KHDRBS2: variants seen among roughly 807,000 people sequenced by gnomAD.
KHDRBS2 encodes KH RNA binding domain containing, signal transduction associated 2.
Under a neutral mutation model 44.3 loss-of-function variants are expected in KHDRBS2, and 26 were observed. That is an observed-to-expected ratio of 0.59 (90% CI 0.43 to 0.81). The LOEUF is 0.81. KHDRBS2 is among the 40% of genes least tolerant of loss of function. The probability of loss-of-function intolerance (pLI) is 0.00; values close to 1 mark genes in which losing one functional copy is unlikely to be tolerated. For synonymous variants in KHDRBS2, 194 were observed against 151.1 expected, an observed-to-expected ratio of 1.28 and a Z score of -2.08; for missense variants, 476 against 433.1, an observed-to-expected ratio of 1.10 and a Z score of -0.88.
At chr6:61,561,520 T>C in the KHDRBS2 span, among the ~76,000 whole-genome samples, 1 of 152,158 alleles carries the variant, frequency 6.6e-6, no homozygotes, top group African/African-American at 2.4e-5. Flanking sequence ...ACCTACTTGG[T>C]GTTCTATTCT....
intron 3 of KHDRBS2, among the ~76,000 whole-genome samples, chr6:62,008,824 C>G (rs185585819): frequency 6.6e-6 from 1 of 152,172 alleles, no homozygotes; most frequent in Non-Finnish European, 1.5e-5. Context: ...ACTTGCTCCT[C>G]CTTGCCTTCC....
chr6:61,642,048 C>T, the KHDRBS2 span, among the ~76,000 whole-genome samples: 3 of 152,080 alleles, frequency 2.0e-5, no homozygotes, highest in Admixed American at 2.0e-4. Context: ...TCTAATTATA[C>T]TATTAACATG....
chr6:61,549,595 C>T, the KHDRBS2 span, among the ~76,000 whole-genome samples: 2 of 152,138 alleles, frequency 1.3e-5, no homozygotes, highest in South Asian at 4.1e-4. Context: ...CCTTCTATTG[C>T]TATATGTTTT....
At chr6:62,170,581 A>T (rs1008954683) in intron 2 of KHDRBS2, among the ~76,000 whole-genome samples, 3 of 152,100 alleles carry the variant, frequency 2.0e-5, no homozygotes, top group African/African-American at 7.2e-5. Context: ...CAGGACTGAA[A>T]TATTTTGCCA....
the KHDRBS2 span, among the ~76,000 whole-genome samples, chr6:61,567,531 C>A: frequency 6.6e-6 from 1 of 152,156 alleles, no homozygotes; most frequent in African/African-American, 2.4e-5. Flanking sequence ...GTCTTAGCTA[C>A]TCTGGAGGCT....
chr6:61,591,266 T>C, the KHDRBS2 span, among the ~76,000 whole-genome samples: 2 of 152,184 alleles, frequency 1.3e-5, no homozygotes, highest in African/African-American at 2.4e-5. Flanking sequence ...TATGTGCCTA[T>C]TCACTTTCCC....
chr6:62,129,188 T>C (rs1809674958), intron 2 of KHDRBS2, among the ~76,000 whole-genome samples: 3 of 152,124 alleles, frequency 2.0e-5, no homozygotes, highest in Admixed American at 2.0e-4. Context: ...AATGATGGCT[T>C]TAAATTTCCT....
At chr6:62,199,540 C>A (rs202065835) in intron 1 of KHDRBS2, among the ~76,000 whole-genome samples, 1 of 152,172 alleles carries the variant, frequency 6.6e-6, no homozygotes, top group African/African-American at 2.4e-5. Context: ...ATGTGAAAGA[C>A]CTCTTCAAGG....
chr6:62,050,858 T>G (rs1788864517), intron 2 of KHDRBS2, among the ~76,000 whole-genome samples: 2 of 152,056 alleles, frequency 1.3e-5, no homozygotes. Context: ...TCATGACACT[T>G]TATTCACAAT....
intron 4 of KHDRBS2, among the ~76,000 whole-genome samples, chr6:61,967,955 T>TAC (rs1471660862): frequency 1.5e-5 from 2 of 130,182 alleles, no homozygotes; most frequent in East Asian, 2.1e-4. Context: ...TATATATATA[T>TAC]ATACACACAC....
At chr6:61,638,849 A>T in the KHDRBS2 span, among the ~76,000 whole-genome samples, 1 of 152,094 alleles carries the variant, frequency 6.6e-6, no homozygotes, top group Non-Finnish European at 1.5e-5. Context: ...TCTATCTTTA[A>T]TAGAGTTATC....
At chr6:61,859,195 G>A (rs1796563384) in intron 6 of KHDRBS2, among the ~76,000 whole-genome samples, 1 of 151,852 alleles carries the variant, frequency 6.6e-6, no homozygotes, top group Non-Finnish European at 1.5e-5. Flanking sequence ...ATTACAAGGT[G>A]TGATTCTGGA....
intron 6 of KHDRBS2, among the ~76,000 whole-genome samples, chr6:61,769,607 T>A (rs1416610202): frequency 6.7e-6 from 1 of 149,426 alleles, no homozygotes; most frequent in Non-Finnish European, 1.5e-5. Flanking sequence ...AAGATCAAAC[T>A]GCAAGGCGGC....
At chr6:61,797,300 G>T (rs1321115156) in intron 6 of KHDRBS2, among the ~76,000 whole-genome samples, 1 of 152,006 alleles carries the variant, frequency 6.6e-6, no homozygotes, top group African/African-American at 2.4e-5. Flanking sequence ...GCATTCTAAT[G>T]GCATATTTGA....
chr6:61,672,606 G>C, the KHDRBS2 span, among the ~76,000 whole-genome samples: 1 of 151,868 alleles, frequency 6.6e-6, no homozygotes, highest in Non-Finnish European at 1.5e-5. Context: ...GTGATGGTGA[G>C]CATTTTTTCA....
intron 6 of KHDRBS2, among the ~76,000 whole-genome samples, chr6:61,801,199 A>AC (rs1786196956): frequency 6.6e-6 from 1 of 151,624 alleles, no homozygotes; most frequent in Admixed American, 6.6e-5. Flanking sequence ...ATTTCCACTG[A>AC]TTTTTTTTTA....
intron 6 of KHDRBS2, among the ~76,000 whole-genome samples, chr6:61,764,927 T>C (rs1011921740): frequency 1.3e-5 from 2 of 150,388 alleles, no homozygotes; most frequent in African/African-American, 4.9e-5. Context: ...GTGTGCATTG[T>C]TGTACTTTTT....
intron 4 of KHDRBS2, among the ~76,000 whole-genome samples, chr6:61,948,709 T>A (rs1764126244): frequency 1.4e-5 from 2 of 146,372 alleles, no homozygotes; most frequent in South Asian, 4.4e-4. Context: ...GATGAGGTCT[T>A]GCTATATTGC....
chr6:61,894,142 AT>A (rs549672119), intron 6 of KHDRBS2, among the ~76,000 whole-genome samples: 63 of 152,168 alleles, frequency 4.1e-4, no homozygotes, highest in African/African-American at 1.5e-3. Context: ...TTCATTGTAT[AT>A]TTTTTTGAAT....
Sources: allele counts gnomAD v4.1 joint callset (sites outside exome capture counted in the v4.1 genomes callset), GRCh38; gene constraint gnomAD v4.1.1; transcripts MANE v1.5; gene names NCBI Gene and HGNC (gene_info 2026-07-23, HGNC 2026-07-21).